Variants in MROH7 observed in about 807,000 individuals in gnomAD.
MROH7 encodes maestro heat-like repeat-containing protein family member 7.
Under a neutral mutation model 129.2 loss-of-function variants are expected in MROH7, and 113 were observed. That is an observed-to-expected ratio of 0.87 (90% confidence interval 0.75 to 1.02). MROH7 has a LOEUF of 1.02. MROH7 is among the 50% of genes least tolerant of loss of function. The pLI is 0.00. For synonymous variants in MROH7, 655 were observed against 667.9 expected, an observed-to-expected ratio of 0.98 and a Z score of 0.30; for missense variants, 1,601 against 1,671.3, an observed-to-expected ratio of 0.96 and a Z score of 0.73.
At chr1:54,694,002 C>A (rs1645280986) in intron 16 of MROH7, among the ~76,000 whole-genome samples, 1 of 152,192 alleles carries the variant, frequency 6.6e-6, no homozygotes, top group African/African-American at 2.4e-5. Context: ...CTGCCTCAGC[C>A]TCCAGAGTAG....
intron 4 of MROH7, among the ~76,000 whole-genome samples, chr1:54,667,368 C>T (rs1232482307): frequency 2.2e-5 from 3 of 138,250 alleles, no homozygotes; most frequent in African/African-American, 7.9e-5. Context: ...CACCTGTAAT[C>T]CCAGTACTTT....
At chr1:54,696,603 T>G (rs1645325562) in intron 17 of MROH7, among the ~76,000 whole-genome samples, 1 of 149,158 alleles carries the variant, frequency 6.7e-6, no homozygotes, top group South Asian at 2.1e-4. Flanking sequence ...GCTGTTTCCC[T>G]AAACATAATG....
chr1:54,663,700 A>C (rs3968311), intron 3 of MROH7: 4,464 of 301,466 alleles, frequency 0.015, no homozygotes, highest in East Asian at 0.047. Context: ...AAAAAAAAAA[A>C]ACAAAAAAAA....
At chr1:54,650,812 C>T (rs1210318853) in intron 1 of MROH7, among the ~76,000 whole-genome samples, 1 of 152,000 alleles carries the variant, frequency 6.6e-6, no homozygotes, top group African/African-American at 2.4e-5. Flanking sequence ...TAGCCTCAAC[C>T]TCCTGGGCTC....
intron 16 of MROH7, among the ~76,000 whole-genome samples, chr1:54,693,597 G>A (rs1005094255): frequency 3.9e-5 from 6 of 152,186 alleles, no homozygotes. Context: ...GGCAGGACAT[G>A]GCAGAGGTGG....
intron 16 of MROH7, among the ~76,000 whole-genome samples, chr1:54,694,355 C>T (rs185348659): frequency 7.2e-5 from 11 of 152,354 alleles, no homozygotes; most frequent in Non-Finnish European, 1.6e-4. Flanking sequence ...GATGGTGGAG[C>T]ATAATGCAGT....
At position 54,670,402 on chromosome 1, in the gene MROH7, C is replaced by T. The variant is rs955171381; in HGVS notation, c.1390-95C>T. 30 of 1,021,794 alleles carry T rather than the reference C, an allele frequency of 2.9e-5. No homozygotes were observed. In the East Asian group the frequency reaches 7.0e-4, roughly 24 times the overall value. 63.3% of individuals were successfully genotyped at this position (1,021,794 alleles called of 1,614,324 possible). A position where few individuals can be genotyped will look rare whatever the true frequency, so the allele number is the denominator to read the frequency against. On this transcript the variant is annotated intron_variant, in intron 5 of 23. Transcript: ENST00000421030. ...GGAGGAGCACTTGAGGGTATGCTGG[C>T]TGCTGTGACCTGCTCCTTGTGACGG...
intron 3 of MROH7, among the ~76,000 whole-genome samples, chr1:54,663,551 T>A (rs1644763544): frequency 6.6e-6 from 1 of 152,106 alleles, no homozygotes; most frequent in Non-Finnish European, 1.5e-5. Flanking sequence ...TTTTTGTATT[T>A]TTAGTAGAGG....
intron 3 of MROH7, 55 bp downstream of exon 3, chr1:54,654,212 T>C: frequency 6.7e-7 from 1 of 1,481,586 alleles, no homozygotes; most frequent in South Asian, 1.4e-5. Flanking sequence ...AATTCTGTCT[T>C]CAGACTCTTA....
intron 10 of MROH7, among the ~76,000 whole-genome samples, chr1:54,674,720 C>T (rs964863887): frequency 2.6e-5 from 4 of 152,208 alleles, no homozygotes; most frequent in Admixed American, 2.6e-4. Flanking sequence ...TGGGCTGACA[C>T]AGGTATCCAG....
intron 3 of MROH7, among the ~76,000 whole-genome samples, chr1:54,656,883 T>C (rs1644657323): frequency 6.6e-6 from 1 of 151,854 alleles, no homozygotes. Context: ...TGGTAAAATA[T>C]ACATAACAAA....
chr1:54,678,452 C>T (rs956202141), intron 10 of MROH7, among the ~76,000 whole-genome samples: 3 of 152,072 alleles, frequency 2.0e-5, no homozygotes, highest in Non-Finnish European at 4.4e-5. Flanking sequence ...TCAAGGATAA[C>T]GTGTCCATTT....
At chr1:54,681,312 G>A (rs1321373075) in intron 13 of MROH7, among the ~76,000 whole-genome samples, 1 of 152,188 alleles carries the variant, frequency 6.6e-6, no homozygotes, top group Non-Finnish European at 1.5e-5. Flanking sequence ...GGATATAGGA[G>A]CTGCCCTGGC....
At position 54,702,214 on chromosome 1, in the gene MROH7, C is replaced by A; in HGVS notation, c.3410C>A (p.Thr1137Asn). Residue 1137 changes from threonine to asparagine, a missense_variant, in exon 20 of 24, where the codon ACC becomes AAC. Transcript: ENST00000421030. ...LVSTLVPLLL[T>N]MQEGNSKVSQ... ...AGCACCTTGGTGCCCCTACTGCTGA[C>A]CATGCAGGAGGGCAACTCCAAGGTA... The A allele has an allele frequency of 6.3e-7, 1 of 1,579,752 alleles. No individual in the cohort carries two copies. The highest frequency in any genetic ancestry group is 8.6e-7 in the Non-Finnish European group (1 of 1,163,508).
intron 3 of MROH7, among the ~76,000 whole-genome samples, chr1:54,656,397 C>G (rs2101073986): frequency 6.8e-6 from 1 of 147,134 alleles, no homozygotes; most frequent in Admixed American, 6.9e-5. Context: ...GTAATCTCAG[C>G]TACTTGGGAG....
chr1:54,687,198 C>T (rs922161672), intron 15 of MROH7, among the ~76,000 whole-genome samples: 17 of 152,098 alleles, frequency 1.1e-4, no homozygotes, highest in African/African-American at 1.7e-4. Context: ...CTCAGCCTCC[C>T]GAGTAGCTGG....
At chr1:54,692,107 T>C (rs1645249535) in intron 15 of MROH7, among the ~76,000 whole-genome samples, 1 of 152,120 alleles carries the variant, frequency 6.6e-6, no homozygotes, top group Non-Finnish European at 1.5e-5. Context: ...TCGGCCCACA[T>C]AGGAGACTGT....
chr1:54,708,443 AT>A (rs1309581005), intron 22 of MROH7, among the ~76,000 whole-genome samples: 41 of 152,022 alleles, frequency 2.7e-4, no homozygotes, highest in African/African-American at 9.9e-4. Flanking sequence ...CAAACAAACA[AT>A]AGTGAGGGAA....
intron 1 of MROH7, among the ~76,000 whole-genome samples, chr1:54,647,015 A>G (rs1644477241): frequency 6.6e-6 from 1 of 152,230 alleles, no homozygotes; most frequent in Non-Finnish European, 1.5e-5. Flanking sequence ...GTACGGACAT[A>G]CCATATATTG....
Sources: gnomAD v4.1 joint callset for allele counts (sites outside exome capture counted in the v4.1 genomes callset) on GRCh38, gnomAD v4.1.1 for gene constraint, MANE v1.5 for transcripts, NCBI Gene and HGNC (gene_info 2026-07-23, HGNC 2026-07-21) for gene names.